Variants in CR2 observed in about 807,000 individuals in gnomAD.
CR2 encodes the protein complement C3d receptor 2, also known as complement receptor type 2.
Under a neutral mutation model 123.0 loss-of-function variants are expected in CR2, and 96 were observed. The observed-to-expected ratio is 0.78, with a 90% CI of 0.66 to 0.93. CR2 has a LOEUF of 0.93. Ranked by LOEUF, CR2 falls within the 40% of genes least tolerant of loss-of-function variation. The pLI, the probability that CR2 is intolerant of heterozygous loss-of-function variation, is 0.00. For synonymous variants in CR2, 484 were observed against 469.5 expected (o/e 1.03, Z -0.40); for missense variants, 1,258 against 1,361.0 (o/e 0.92, Z 1.19).
chr1:207,475,029 T>C lies in CR2; in HGVS notation c.2529T>C (p.Pro843=), dbSNP rs765301217. The C allele has an allele frequency of 6.2e-6, 10 of 1,613,948 alleles. No homozygotes were observed. In the African/African-American group the frequency reaches 9.3e-5, roughly 15 times the overall value. Residue 843 remains proline, a synonymous_variant, in exon 14 of 20, where the codon CCT becomes CCC. Coordinates refer to ENST00000367057, the MANE Select transcript of CR2 (RefSeq NM_001006658.3). The part of the protein sequence containing the change: ...GPSPQCLRSP[P]VTRCPNPEVK... Reference sequence around the variant, plus strand: ...CCCCACAGTGCTTACGATCTCCTCCTGTGACTCGCTGCCCTAATCCAGAAG... The same window carrying C: ...CCCCACAGTGCTTACGATCTCCTCCCGTGACTCGCTGCCCTAATCCAGAAG...
intron 1 of CR2, among the ~76,000 whole-genome samples, chr1:207,455,264 A>G (rs980318911): frequency 2.2e-4 from 33 of 152,166 alleles, no homozygotes; most frequent in African/African-American, 7.2e-4. Flanking sequence ...TTCCTAGTTT[A>G]TAAGACGTTT....
chr1:207,488,899 A>G (rs759540150), intron 19 of CR2, among the ~76,000 whole-genome samples: 5 of 152,156 alleles, frequency 3.3e-5, no homozygotes, highest in Non-Finnish European at 7.4e-5. Context: ...AAAGATTAGT[A>G]CTTTCATTTC....
rs75282758 is a variant in CR2 at position 207,468,605 on chromosome 1, C to G, written c.524C>G (p.Pro175Arg). 8.1e-6 allele frequency: 13 copies of G among 1,613,946 alleles called. No homozygotes were observed. The African/African-American group carries it at 1.5e-4, about 18-fold the overall frequency. Reference protein sequence around the residue: ...HTSENVGSIAPGLSVTYSCES... With the variant: ...HTSENVGSIARGLSVTYSCES... ...AGTGAGAATGTTGGCTCCATTGCTC[C>G]AGGATTGTCTGTGACTTACAGCTGT... The change falls in exon 3 of 20, where the codon CCA becomes CGA. Residue 175 changes from proline (P) to arginine (R), a missense_variant. Transcript: ENST00000367057.
chr1:207,479,337 A>G, intron 17 of CR2, 57 bp downstream of exon 17: 3 of 1,227,786 alleles, frequency 2.4e-6, no homozygotes, highest in South Asian at 1.2e-5. Flanking sequence ...AAAAATATGT[A>G]ATGCTAGAGG....
At chr1:207,467,641 T>C (rs1271465162) in intron 2 of CR2, among the ~76,000 whole-genome samples, 1 of 152,156 alleles carries the variant, frequency 6.6e-6, no homozygotes, top group Admixed American at 6.5e-5. Flanking sequence ...CTGACAAAAC[T>C]GTTAAATTAG....
intron 1 of CR2, among the ~76,000 whole-genome samples, chr1:207,456,444 G>A (rs1157396602): frequency 6.6e-6 from 1 of 152,220 alleles, no homozygotes; most frequent in African/African-American, 2.4e-5. Flanking sequence ...CAGGAAAGCT[G>A]AGGTTTAACA....
chr1:207,468,955 G>A, intron 4 of CR2, 56 bp downstream of exon 4: 2 of 1,575,996 alleles, frequency 1.3e-6, no homozygotes, highest in South Asian at 1.1e-5. Context: ...TGTGCGTGGT[G>A]TGGACTGTGA....
chr1:207,488,649 CA>C (rs1358556275), intron 19 of CR2, among the ~76,000 whole-genome samples: 3 of 152,026 alleles, frequency 2.0e-5, no homozygotes, highest in Admixed American at 2.0e-4. Context: ...AAAAATATAC[CA>C]CCTCTGTCCT....
chr1:207,472,852 A>ACG lies in CR2; in HGVS notation c.1652_1653dup (p.Val552ArgfsTer76). On this transcript the variant is annotated frameshift_variant, in exon 10 of 20. Coordinates refer to ENST00000367057, the MANE Select transcript of CR2 (RefSeq NM_001006658.3). LOFTEE classifies it high-confidence loss of function. The stretch of plus-strand genomic sequence containing the variant: ...CTTAGAAGATTTTCCATATGGAACC[A>ACG]CGGTCACTTACACATGTAACCCTGG... The ACG allele has an allele frequency of 6.2e-7, 1 of 1,614,042 alleles. No homozygotes were observed. Among genetic ancestry groups the ACG allele is most frequent in the Non-Finnish European group, 8.5e-7 (1 of 1,179,944 alleles).
intron 1 of CR2, among the ~76,000 whole-genome samples, chr1:207,460,424 T>G (rs1657937226): frequency 6.6e-6 from 1 of 152,202 alleles, no homozygotes; most frequent in Non-Finnish European, 1.5e-5. Flanking sequence ...TTTTGGGAGC[T>G]TTGTGTGTGA....
chr1:207,459,134 T>C (rs1016414420), intron 1 of CR2, among the ~76,000 whole-genome samples: 1 of 152,164 alleles, frequency 6.6e-6, no homozygotes, highest in Non-Finnish European at 1.5e-5. Flanking sequence ...CAAAGACCAA[T>C]AACAAGGATG....
chr1:207,464,022 C>T (rs922813334), intron 1 of CR2, among the ~76,000 whole-genome samples: 4 of 152,122 alleles, frequency 2.6e-5, no homozygotes, highest in African/African-American at 7.2e-5. Context: ...TGTTTACTGT[C>T]CTTTGATTAT....
In CR2 at chr1:207,474,250, G is replaced by T; in HGVS notation, c.2250G>T (p.Leu750Phe). 6.2e-7 allele frequency: 1 copy of T among 1,612,380 alleles called. No individual in the cohort carries two copies. The highest frequency in any genetic ancestry group is 1.1e-5 in the South Asian group (1 of 91,032). The change falls in exon 13 of 20, where the codon TTG (leucine) becomes TTT (phenylalanine). Residue 750 changes from leucine (L) to phenylalanine (F), a missense_variant. Transcript: ENST00000367057. ...VNTSCQDGYQ[L>F]TGHAYQMCQD... is the part of the protein sequence containing the mutation. ...ATCTGTCTCTCTGTAGGTACCAGTTGACTGGACATGCTTATCAGATGTGTC... is the reference window on the plus strand; with the variant it reads ...ATCTGTCTCTCTGTAGGTACCAGTTTACTGGACATGCTTATCAGATGTGTC...
intron 4 of CR2, 88 bp downstream of exon 4, chr1:207,468,987 T>C (rs1658189210): frequency 6.8e-7 from 1 of 1,471,466 alleles, no homozygotes; most frequent in Admixed American, 1.7e-5. Flanking sequence ...GTCTCCTCTG[T>C]GAGGATCTCT....
chr1:207,464,086 A>C (rs1384406229), intron 1 of CR2, among the ~76,000 whole-genome samples: 1 of 152,184 alleles, frequency 6.6e-6, no homozygotes, highest in African/African-American at 2.4e-5. Context: ...AGGAGATTAC[A>C]CACTGCCAAC....
chr1:207,487,180 A>C (rs1475495062), intron 19 of CR2, among the ~76,000 whole-genome samples: 3 of 152,234 alleles, frequency 2.0e-5, no homozygotes, highest in Non-Finnish European at 2.9e-5. Context: ...AAAGTCAGGC[A>C]AAGAAAGAAT....
intron 15 of CR2, 140 bp downstream of exon 15, chr1:207,476,559 A>G (rs781595404): frequency 2.2e-5 from 17 of 760,956 alleles, no homozygotes; most frequent in Non-Finnish European, 3.1e-5. Flanking sequence ...TTAGATTAAT[A>G]CAATCATTAA....
At chr1:207,479,229 C>A (rs561645691) in intron 16 of CR2, 28 bp from the exon 17 acceptor site, 1 of 1,564,218 alleles carries the variant, frequency 6.4e-7, no homozygotes, top group African/African-American at 1.4e-5. Context: ...TACTGATAAT[C>A]ATTTTCATGA....
In CR2 at chr1:207,488,452, C is replaced by T. The variant is rs542323534; in HGVS notation, c.*19-690C>T. 8.5e-5 allele frequency among the ~76,000 whole-genome samples: 13 copies of T among 152,118 alleles called. No homozygotes were observed. The South Asian group carries it at 2.1e-3, about 24-fold the overall frequency. On this transcript the variant is annotated intron_variant, in intron 19 of 19. Transcript: ENST00000367057. ...CATCTTGGCCAACATGGTGAAACCC[C>T]GTCTCTACTAAAAATACAAAAATTA...
Sources: gnomAD v4.1 joint callset for allele counts (sites outside exome capture counted in the v4.1 genomes callset) on GRCh38, gnomAD v4.1.1 for gene constraint, MANE v1.5 for transcripts, NCBI Gene and HGNC (gene_info 2026-07-23, HGNC 2026-07-21) for gene names.